COG6: variants seen among roughly 807,000 people sequenced by gnomAD.
COG6 encodes the protein component of oligomeric golgi complex 6.
COG6 carries 74 observed loss-of-function variants against 88.8 expected under a neutral mutation model. The ratio of observed to expected loss-of-function variants is 0.83; its 90% CI spans 0.69 to 1.01. The LOEUF (loss-of-function observed/expected upper bound fraction) is 1.01. Among genes scored for constraint, COG6 ranks in the 50% least tolerant of loss-of-function variants. The pLI is 0.00. For synonymous variants in COG6, 286 were observed against 278.7 expected (o/e 1.03, Z -0.26); for missense variants, 800 against 797.9 (o/e 1.00, Z -0.03).
In COG6 at chr13:39,658,063, CTTT is replaced by C. The variant is rs57263267; in HGVS notation, c.154-1285_154-1283del. 1.4e-3 allele frequency among the ~76,000 whole-genome samples: 193 copies of C among 139,482 alleles called. 1 individual carries two copies. The highest frequency in any genetic ancestry group is 7.5e-3 in the East Asian group (36 of 4,798). 91.5% of individuals were successfully genotyped at this position (139,482 alleles called of 152,430 possible). ...TATGAATAATTTTGGATTCTTGTCACTTTTTTTTTTTTTTTTTTACATCTCCTG... is the reference window on the plus strand; with the variant it reads ...TATGAATAATTTTGGATTCTTGTCACTTTTTTTTTTTTTTTACATCTCCTG... On this transcript the variant is annotated intron_variant, in intron 1 of 18. Coordinates refer to ENST00000455146, the MANE Select transcript of COG6 (RefSeq NM_020751.3).
chr13:39,735,226 G>A (rs1022658494), intron 18 of COG6, among the ~76,000 whole-genome samples: 1 of 150,746 alleles, frequency 6.6e-6, no homozygotes. Flanking sequence ...TTTCTCTGGT[G>A]GTATATTTTA....
intron 13 of COG6, 65 bp from the exon 14 acceptor site, chr13:39,719,171 T>C: frequency 6.6e-7 from 1 of 1,510,650 alleles, no homozygotes; most frequent in African/African-American, 1.4e-5. Flanking sequence ...ACTATGAACT[T>C]ACATTTATAC....
At chr13:39,718,847 G>A (rs76525770) in intron 13 of COG6, among the ~76,000 whole-genome samples, 145 of 152,148 alleles carry the variant, frequency 9.5e-4, no homozygotes, top group African/African-American at 3.4e-3. Flanking sequence ...GAGAGTAGGT[G>A]ACGTTTCTCA....
intron 13 of COG6, among the ~76,000 whole-genome samples, chr13:39,717,165 C>T (rs1316603210): frequency 2.0e-5 from 3 of 152,146 alleles, no homozygotes; most frequent in Admixed American, 1.3e-4. Flanking sequence ...TTCTGGCCTG[C>T]ATGTTTTCTG....
At position 39,684,243 on chromosome 13, in the gene COG6, A is replaced by ATTT. The variant is rs1203671335; in HGVS notation, c.788+2002_788+2004dup. ...GGGGGCAGTAATGGCAATTTGGAAGATTTTTTTTTTTTTTTTTTTTTTTTT... is the reference window on the plus strand; with the variant it reads ...GGGGGCAGTAATGGCAATTTGGAAGATTTTTTTTTTTTTTTTTTTTTTTTTTTT... On this transcript the variant is annotated intron_variant, in intron 8 of 18. Transcript: ENST00000455146. Among the ~76,000 whole-genome samples the ATTT allele has an allele frequency of 6.9e-3, 463 of 67,346 alleles. 53 individuals are homozygous for ATTT. Among genetic ancestry groups the ATTT allele is most frequent in the African/African-American group, 0.02 (301 of 14,926 alleles). 44.2% of individuals were successfully genotyped at this position (67,346 alleles called of 152,430 possible). A position where few individuals can be genotyped will look rare whatever the true frequency, so the allele number is the denominator to read the frequency against.
intron 1 of COG6, 175 bp downstream of exon 1, chr13:39,656,054 G>C (rs1021154682): frequency 8.6e-5 from 70 of 811,808 alleles, no homozygotes; most frequent in Non-Finnish European, 1.3e-4. Context: ...GGTGAGAAGG[G>C]GGAGCCCCAG....
At chr13:39,693,073 C>CTTA (rs1294940173) in intron 11 of COG6, among the ~76,000 whole-genome samples, 12 of 152,042 alleles carry the variant, frequency 7.9e-5, no homozygotes, top group African/African-American at 2.9e-4. Flanking sequence ...TGGTTACCCT[C>CTTA]TTATATAGCT....
chr13:39,725,688 A>G (rs1593454340), intron 17 of COG6, among the ~76,000 whole-genome samples: 1 of 44,782 alleles, frequency 2.2e-5, no homozygotes, highest in African/African-American at 7.0e-5. Flanking sequence ...TATAACTTCT[A>G]TATATGAAAC....
At chr13:39,765,435 A>T (rs898527762) in intron 18 of COG6, among the ~76,000 whole-genome samples, 2 of 152,204 alleles carry the variant, frequency 1.3e-5, no homozygotes, top group African/African-American at 4.8e-5. Context: ...TTTGAATACT[A>T]GCATATGACT....
intron 17 of COG6, 64 bp downstream of exon 17, chr13:39,724,625 C>A: frequency 8.0e-7 from 1 of 1,253,754 alleles, no homozygotes; most frequent in Non-Finnish European, 1.2e-6. Flanking sequence ...TCATTTTTTG[C>A]TGTGTGATAA....
Position 39,718,597 on chromosome 13 carries a change from T to G in COG6, c.1285-639T>G, listed in dbSNP as rs537569351. ...GAGTCCCTCTGAAGCTCTGAAAACT[T>G]AAGTAACTTGCTGAAGATTACACAA... is the stretch of plus-strand genomic sequence containing the variant. On this transcript the variant is annotated intron_variant, in intron 13 of 18. Coordinates refer to ENST00000455146, the MANE Select transcript of COG6 (RefSeq NM_020751.3). Among the ~76,000 whole-genome samples the G allele has an allele frequency of 4.5e-4, 69 of 152,252 alleles. 1 individual carries two copies. In the South Asian group the frequency reaches 7.0e-3, roughly 16 times the overall value.
At chr13:39,756,746 C>CG (rs1880848330), downstream of COG6, among the ~76,000 whole-genome samples, 2 of 146,910 alleles carry the variant, frequency 1.4e-5, no homozygotes, top group South Asian at 2.2e-4. Flanking sequence ...CTGGGCGGGG[C>CG]GGGGGGCGGC....
intron 2 of COG6, among the ~76,000 whole-genome samples, chr13:39,660,102 T>C (rs1464964374): frequency 2.0e-5 from 3 of 152,196 alleles, no homozygotes; most frequent in Admixed American, 6.5e-5. Context: ...ATGGTTTCAA[T>C]GAGTGTTCAA....
chr13:39,761,842 T>C (rs978235869), intron 18 of COG6, among the ~76,000 whole-genome samples: 5 of 151,112 alleles, frequency 3.3e-5, no homozygotes, highest in African/African-American at 1.2e-4. Context: ...TATTATCTCA[T>C]TTTGGCTATT....
chr13:39,666,795 T>C (rs1009287525), intron 4 of COG6, among the ~76,000 whole-genome samples: 6 of 152,208 alleles, frequency 3.9e-5, no homozygotes, highest in Admixed American at 2.0e-4. Context: ...CTTTTCTGTC[T>C]TATAAAAACA....
intron 4 of COG6, among the ~76,000 whole-genome samples, chr13:39,668,319 T>TAG (rs1323006011): frequency 1.5e-4 from 23 of 152,162 alleles, no homozygotes; most frequent in Non-Finnish European, 7.4e-5. Context: ...CCAGAGACTA[T>TAG]AATTTGAAAC....
At chr13:39,709,893 C>T (rs1566190039) in intron 13 of COG6, among the ~76,000 whole-genome samples, 1 of 152,138 alleles carries the variant, frequency 6.6e-6, no homozygotes, top group Non-Finnish European at 1.5e-5. Flanking sequence ...CATCCATTCC[C>T]ACTGCAGTGA....
chr13:39,659,055 G>C (rs1423975794), intron 1 of COG6, among the ~76,000 whole-genome samples: 1 of 147,266 alleles, frequency 6.8e-6, no homozygotes, highest in East Asian at 2.0e-4. Flanking sequence ...TTTTTTTTTT[G>C]TGAATGAGTA....
chr13:39,655,788 A>G lies in COG6; in HGVS notation c.62A>G (p.Asn21Ser). The G allele has an allele frequency of 1.3e-6, 2 of 1,598,390 alleles. No individual in the cohort carries two copies. Among genetic ancestry groups the G allele is most frequent in the Non-Finnish European group, 1.7e-6 (2 of 1,172,882 alleles). The change falls in exon 1 of 19, where the codon AAC (asparagine) becomes AGC (serine). Residue 21 changes from asparagine (N) to serine (S), a missense_variant. Coordinates refer to ENST00000455146, the MANE Select transcript of COG6 (RefSeq NM_020751.3). ...VSATGAANGL[N>S]NGAGGTSATT... ...GCGACCGGGGCTGCCAACGGCCTCA[A>G]CAATGGGGCAGGCGGGACCTCGGCG...
Sources: allele counts gnomAD v4.1 joint callset (sites outside exome capture counted in the v4.1 genomes callset), GRCh38; gene constraint gnomAD v4.1.1; transcripts MANE v1.5; gene names NCBI Gene and HGNC (gene_info 2026-07-23, HGNC 2026-07-21).